Variants in RBMS3 observed in about 807,000 individuals in gnomAD.
The protein encoded by RBMS3 is RNA binding motif single stranded interacting protein 3, also known as RNA-binding motif, single-stranded-interacting protein 3.
A neutral mutation model predicts 66.8 loss-of-function variants in RBMS3; 27 were observed. That is an observed-to-expected ratio of 0.40 (90% CI 0.30 to 0.56). The LOEUF (loss-of-function observed/expected upper bound fraction) is 0.56, where lower values mean the gene tolerates loss of function less well. Ranked by LOEUF, RBMS3 falls within the 20% of genes least tolerant of loss-of-function variation. The pLI, the probability that RBMS3 is intolerant of heterozygous loss-of-function variation, is 0.40. For missense variants in RBMS3, 513 were observed against 549.5 expected (o/e 0.93, Z 0.66); for synonymous variants, 188 against 183.0 (o/e 1.03, Z -0.22).
intron 12 of RBMS3, among the ~76,000 whole-genome samples, chr3:29,983,142 A>C (rs1698111182): frequency 6.6e-6 from 1 of 151,610 alleles, no homozygotes; most frequent in Non-Finnish European, 1.5e-5. Flanking sequence ...TGTTGTATTG[A>C]TCCCTTTACC....
At chr3:29,551,050 A>G (rs184536437) in intron 3 of RBMS3, among the ~76,000 whole-genome samples, 27 of 152,336 alleles carry the variant, frequency 1.8e-4, no homozygotes, top group African/African-American at 6.0e-4. Context: ...TGGGAGTTCT[A>G]TGGACATTTA....
At chr3:29,817,086 G>A (rs185719581) in intron 6 of RBMS3, among the ~76,000 whole-genome samples, 68 of 151,830 alleles carry the variant, frequency 4.5e-4, no homozygotes, top group African/African-American at 1.4e-3. Context: ...AGGAGACTCC[G>A]TCTCAAAAAA....
intron 4 of RBMS3, among the ~76,000 whole-genome samples, chr3:29,715,520 C>T (rs779082798): frequency 2.0e-5 from 3 of 152,210 alleles, no homozygotes; most frequent in South Asian, 2.1e-4. Context: ...TGTTAGTTCC[C>T]TGGAATCAGT....
In RBMS3 at chr3:29,281,289, G is replaced by GA. The variant is rs1310210593; in HGVS notation, c.-392dup. The GA allele has an allele frequency of 5.8e-6, 1 of 172,418 alleles. No homozygotes were observed. Among genetic ancestry groups the GA allele is most frequent in the African/African-American group, 2.8e-5 (1 of 35,632 alleles). 10.7% of individuals were successfully genotyped at this position (172,418 alleles called of 1,614,324 possible). A position where few individuals can be genotyped will look rare whatever the true frequency, so the allele number is the denominator to read the frequency against. On this transcript the variant is annotated 5_prime_UTR_variant, in exon 1 of 15. Coordinates refer to ENST00000383767, the MANE Select transcript of RBMS3 (RefSeq NM_001003793.3). ...CAGGAAGCTGATCTGCAAGGATTCG[G>GA]AGTTGTGCTAAAAGGACTTTGATTT... is the stretch of plus-strand genomic sequence containing the variant.
chr3:29,549,128 T>C (rs2046091349), intron 3 of RBMS3, among the ~76,000 whole-genome samples: 1 of 149,130 alleles, frequency 6.7e-6, no homozygotes, highest in South Asian at 2.2e-4. Flanking sequence ...ATATCTTCCT[T>C]ATGGCTTACT....
chr3:29,701,593 G>C (rs1382437907), intron 4 of RBMS3, among the ~76,000 whole-genome samples: 3 of 151,814 alleles, frequency 2.0e-5, no homozygotes, highest in African/African-American at 4.8e-5. Flanking sequence ...GCGCAGGTGG[G>C]AACTGGGGCT....
intron 12 of RBMS3, among the ~76,000 whole-genome samples, chr3:29,945,516 A>G (rs905637049): frequency 3.3e-5 from 5 of 151,674 alleles, no homozygotes; most frequent in African/African-American, 1.2e-4. Context: ...ATTTCCTGTC[A>G]TATCTTAACA....
chr3:29,748,053 G>A (rs1192444208), intron 5 of RBMS3, among the ~76,000 whole-genome samples: 1 of 152,152 alleles, frequency 6.6e-6, no homozygotes. Context: ...AAACATAGGG[G>A]TGTAATAGAG....
rs534598499 is a variant in RBMS3 at position 29,379,615 on chromosome 3, C to G, written c.76-55128C>G. 2.6e-5 allele frequency among the ~76,000 whole-genome samples: 4 copies of G among 152,288 alleles called. No homozygotes were observed. The South Asian group carries it at 8.3e-4, about 32-fold the overall frequency. The stretch of plus-strand genomic sequence containing the variant: ...CTTACTCACTATCATGAGAGCAGCA[C>G]GGGAAAGACCTGTCTCCATGATTCA... On this transcript the variant is annotated intron_variant, in intron 1 of 14. Transcript: ENST00000383767.
intron 3 of RBMS3, among the ~76,000 whole-genome samples, chr3:29,542,375 G>A (rs1175632294): frequency 6.6e-6 from 1 of 150,652 alleles, no homozygotes; most frequent in South Asian, 2.1e-4. Context: ...TTTTTTGTTT[G>A]TTTGAGAAAG....
At chr3:29,623,075 C>T (rs1294733165) in intron 4 of RBMS3, among the ~76,000 whole-genome samples, 1 of 141,756 alleles carries the variant, frequency 7.1e-6, no homozygotes, top group Admixed American at 7.5e-5. Context: ...CGTACCACTG[C>T]ACTTCAGCCT....
At chr3:29,499,023 T>C (rs1358458815) in intron 3 of RBMS3, among the ~76,000 whole-genome samples, 1 of 152,148 alleles carries the variant, frequency 6.6e-6, no homozygotes, top group Non-Finnish European at 1.5e-5. Flanking sequence ...CCTGGTGTGT[T>C]TGAGATAAAG....
chr3:29,398,047 C>T (rs768116072), intron 1 of RBMS3, among the ~76,000 whole-genome samples: 5 of 152,162 alleles, frequency 3.3e-5, no homozygotes, highest in Non-Finnish European at 5.9e-5. Context: ...CATAGCTACT[C>T]TCAGTGCTGT....
chr3:29,350,255 T>G (rs1205072313), intron 1 of RBMS3, among the ~76,000 whole-genome samples: 1 of 152,086 alleles, frequency 6.6e-6, no homozygotes, highest in Admixed American at 6.5e-5. Context: ...TGGCTAAGAA[T>G]TAAGGGATGA....
intron 5 of RBMS3, among the ~76,000 whole-genome samples, chr3:29,741,760 GAA>G (rs1559625431): frequency 1.3e-5 from 2 of 152,148 alleles, no homozygotes; most frequent in African/African-American, 4.8e-5. Flanking sequence ...TTGGAGGCTA[GAA>G]GTCAGAGGTC....
chr3:29,993,317 T>A (rs1172950612), intron 14 of RBMS3, among the ~76,000 whole-genome samples: 4 of 147,950 alleles, frequency 2.7e-5, no homozygotes, highest in Non-Finnish European at 6.1e-5. Flanking sequence ...TTTTTCAGCC[T>A]GGTCAACGGG....
intron 6 of RBMS3, among the ~76,000 whole-genome samples, chr3:29,855,311 C>G (rs1219838353): frequency 1.3e-5 from 2 of 152,096 alleles, no homozygotes; most frequent in Non-Finnish European, 2.9e-5. Context: ...CTTGACTATC[C>G]TTAATTTGTG....
chr3:29,775,037 A>G (rs962307265), intron 6 of RBMS3, among the ~76,000 whole-genome samples: 1 of 151,886 alleles, frequency 6.6e-6, no homozygotes, highest in African/African-American at 2.4e-5. Flanking sequence ...ACAAAAAACA[A>G]ACATAGAAAA....
chr3:29,949,093 A>G (rs1695507228), intron 12 of RBMS3, among the ~76,000 whole-genome samples: 1 of 151,506 alleles, frequency 6.6e-6, no homozygotes, highest in African/African-American at 2.4e-5. Flanking sequence ...TTGAATCATT[A>G]AGAATTTTCC....
Sources: allele counts gnomAD v4.1 joint callset (sites outside exome capture counted in the v4.1 genomes callset), GRCh38; gene constraint gnomAD v4.1.1; transcripts MANE v1.5; gene names NCBI Gene and HGNC (gene_info 2026-07-23, HGNC 2026-07-21).